Variants in RPS6KA3 observed in about 807,000 individuals in gnomAD.
RPS6KA3 encodes the protein ribosomal protein S6 kinase alpha-3.
Under a neutral mutation model 67.2 loss-of-function variants are expected in RPS6KA3, and 4 were observed. That is an observed-to-expected ratio of 0.06 (90% CI 0.03 to 0.14). The LOEUF (loss-of-function observed/expected upper bound fraction) is 0.14. RPS6KA3 is among the 10% of genes least tolerant of loss of function. RPS6KA3 has a pLI of 1.00. For missense variants in RPS6KA3, 204 were observed against 559.0 expected, an observed-to-expected ratio of 0.36 and a Z score of 6.40; for synonymous variants, 182 against 183.7, an observed-to-expected ratio of 0.99 and a Z score of 0.07.
At position 20,176,310 on chromosome X, in the gene RPS6KA3, T is replaced by C; in HGVS notation, c.1042A>G (p.Thr348Ala). The change falls in exon 13 of 22, where the codon ACG becomes GCG. Residue 348 changes from threonine (T) to alanine (A), a missense_variant. Physicochemically the swap from Thr to Ala is moderately conservative, Grantham distance 58 (BLOSUM62 0). Around this residue, in one of 4 missense-constraint regions of RPS6KA3, gnomAD observed 76 missense variants for 250.3 expected, o/e 0.30. Coordinates refer to ENST00000379565, the MANE Select transcript of RPS6KA3 (RefSeq NM_004586.3). ...REIHPPFKPA[T>A]GRPEDTFYFD... ...TAGAATGTATCTTCAGGCCTGCCCG[T>C]TGCAGGTTTAAATGGCGGATGAATT... 8.3e-7 allele frequency: 1 copy of C among 1,203,682 alleles called. No individual in the cohort carries two copies. Among genetic ancestry groups the C allele is most frequent in the Non-Finnish European group, 1.1e-6 (1 of 888,271 alleles).
chrX:20,237,111 G>GT (rs1234301485), intron 1 of RPS6KA3, among the ~76,000 whole-genome samples: 3 of 111,762 alleles, frequency 2.7e-5, no homozygotes, highest in African/African-American at 9.7e-5. Flanking sequence ...CCTAACCATA[G>GT]TGTCTGGCAC....
chrX:20,248,784 A>T (rs892004144), intron 1 of RPS6KA3, among the ~76,000 whole-genome samples: 7 of 112,477 alleles, frequency 6.2e-5, no homozygotes, highest in Middle Eastern at 4.6e-3. Context: ...GTAACATCTT[A>T]TATCACTTCC....
chrX:20,217,207 T>TA (rs781118158), intron 2 of RPS6KA3, among the ~76,000 whole-genome samples: 8 of 112,096 alleles, frequency 7.1e-5, no homozygotes, highest in African/African-American at 2.6e-4. Context: ...AAAACGTCCT[T>TA]AGGTTTATAC....
At chrX:20,200,245 C>A (rs1210125319) in intron 4 of RPS6KA3, among the ~76,000 whole-genome samples, 1 of 111,962 alleles carries the variant, frequency 8.9e-6, no homozygotes, top group African/African-American at 3.2e-5. Flanking sequence ...GAATCTTAGT[C>A]TTCCATGTTA....
At chrX:20,162,192 C>T (rs1185289493) in intron 19 of RPS6KA3, among the ~76,000 whole-genome samples, 1 of 108,140 alleles carries the variant, frequency 9.2e-6, no homozygotes, top group Admixed American at 1.0e-4. Context: ...AAAAATTAGC[C>T]GGGAGTGATA....
At chrX:20,161,483 A>G (rs1040420009) in intron 20 of RPS6KA3, among the ~76,000 whole-genome samples, 161 bp downstream of exon 20, 1 of 112,498 alleles carries the variant, frequency 8.9e-6, no homozygotes, top group Non-Finnish European at 1.9e-5. Flanking sequence ...CAGCTGGGGA[A>G]GAAACAAAAT....
rs948833135 is a variant in RPS6KA3, at chrX:20,152,112, A to G, written c.*3286T>C. The G allele has an allele frequency of 8.9e-6, 1 of 112,184 alleles. No individual in the cohort carries two copies. The highest frequency in any genetic ancestry group is 9.5e-5 in the Admixed American group (1 of 10,505). The allele number at this position is 112,184 out of a possible 1,213,427, so 9.2% of individuals were successfully genotyped here. A position where few individuals can be genotyped will look rare whatever the true frequency, so the allele number is the denominator to read the frequency against. ...TACACACCACAGCTTCTCTCCAGAC[A>G]ATCATAACTGACTTTTCACACACAC... On this transcript the variant is annotated 3_prime_UTR_variant, in exon 22 of 22. Coordinates refer to ENST00000379565, the MANE Select transcript of RPS6KA3 (RefSeq NM_004586.3).
chrX:20,240,645 A>ATCT, intron 1 of RPS6KA3: 1 of 210,203 alleles, frequency 4.8e-6, no homozygotes, highest in Non-Finnish European at 7.1e-6. Context: ...ACTTATGTAC[A>ATCT]GTGATATTCA....
chrX:20,262,363 C>G (rs2147086136), intron 1 of RPS6KA3, among the ~76,000 whole-genome samples: 1 of 111,879 alleles, frequency 8.9e-6, no homozygotes, highest in African/African-American at 3.2e-5. Context: ...ATGTCAAGTC[C>G]TTGGTCAGGA....
intron 1 of RPS6KA3, among the ~76,000 whole-genome samples, chrX:20,241,873 C>T (rs2069560650): frequency 9.0e-6 from 1 of 111,331 alleles, no homozygotes; most frequent in African/African-American, 3.3e-5. Context: ...GTTCAAAGCT[C>T]ACAGGAAATT....
At chrX:20,255,630 T>A (rs928021866) in intron 1 of RPS6KA3, among the ~76,000 whole-genome samples, 1 of 106,482 alleles carries the variant, frequency 9.4e-6, no homozygotes, top group African/African-American at 3.4e-5. Flanking sequence ...CTACTAAAAA[T>A]ACAAAAAATT....
intron 1 of RPS6KA3, among the ~76,000 whole-genome samples, chrX:20,253,065 G>T (rs2069928209): frequency 9.1e-6 from 1 of 110,487 alleles, no homozygotes; most frequent in Admixed American, 9.6e-5. Context: ...CCTTCAGCTT[G>T]AAGTGGAATG....
At chrX:20,219,179 G>A (rs1174715937) in intron 2 of RPS6KA3, among the ~76,000 whole-genome samples, 2 of 111,863 alleles carry the variant, frequency 1.8e-5, no homozygotes, top group Non-Finnish European at 3.8e-5. Flanking sequence ...TGAAACAAAC[G>A]TTATTATTTT....
chrX:20,210,260 G>A (rs1324143665), intron 2 of RPS6KA3, among the ~76,000 whole-genome samples: 1 of 111,920 alleles, frequency 8.9e-6, no homozygotes. Flanking sequence ...GACACATACG[G>A]TATGTTATAG....
chrX:20,237,090 T>C (rs939114895), intron 1 of RPS6KA3, among the ~76,000 whole-genome samples: 1 of 111,741 alleles, frequency 8.9e-6, no homozygotes, highest in Non-Finnish European at 1.9e-5. Context: ...ATGAGTTAAA[T>C]GATATAAAAC....
intron 1 of RPS6KA3, among the ~76,000 whole-genome samples, chrX:20,247,102 A>C (rs1486633990): frequency 8.9e-6 from 1 of 112,559 alleles, no homozygotes; most frequent in African/African-American, 3.2e-5. Flanking sequence ...TTAATTCTAC[A>C]TGCATATTTA....
intron 7 of RPS6KA3, among the ~76,000 whole-genome samples, chrX:20,191,581 T>C (rs926532748): frequency 6.3e-5 from 7 of 111,686 alleles, no homozygotes; most frequent in Non-Finnish European, 9.4e-5. Flanking sequence ...CGTGAGATGG[T>C]ATCTCATTGT....
intron 20 of RPS6KA3, among the ~76,000 whole-genome samples, chrX:20,158,387 A>AAAAAAG (rs1406774782): frequency 1.0e-5 from 1 of 97,418 alleles, no homozygotes; most frequent in Non-Finnish European, 2.0e-5. Flanking sequence ...AAAAAAAAAA[A>AAAAAAG]AGAGAGAGAG....
chrX:20,259,235 A>C (rs2070157642), intron 1 of RPS6KA3, among the ~76,000 whole-genome samples: 1 of 111,552 alleles, frequency 9.0e-6, no homozygotes, highest in South Asian at 3.7e-4. Flanking sequence ...TAATTTAAAC[A>C]GGAAAATGGG....
Sources: allele counts gnomAD v4.1 joint callset (sites outside exome capture counted in the v4.1 genomes callset), GRCh38; gene constraint gnomAD v4.1.1; regional missense constraint gnomAD v4.1.1; transcripts MANE v1.5; gene names NCBI Gene and HGNC (gene_info 2026-07-23, HGNC 2026-07-21).